CNBD1: variants seen among roughly 807,000 people sequenced by gnomAD.
CNBD1 encodes the protein cyclic nucleotide binding domain containing 1.
In CNBD1, 71 loss-of-function variants were observed where a neutral mutation model predicts 54.4. That is an observed-to-expected ratio of 1.30 (90% CI 1.08 to 1.59). The LOEUF (loss-of-function observed/expected upper bound fraction) is 1.59, where lower values mean the gene tolerates loss of function less well. CNBD1 is among the 40% of genes most tolerant of loss of function. The pLI is 0.00. For missense variants in CNBD1, 659 were observed against 518.0 expected, an observed-to-expected ratio of 1.27 and a Z score of -2.64; for synonymous variants, 182 against 170.7, an observed-to-expected ratio of 1.07 and a Z score of -0.51.
intron 6 of CNBD1, among the ~76,000 whole-genome samples, chr8:87,266,999 A>T (rs1808271591): frequency 6.6e-6 from 1 of 151,878 alleles, no homozygotes; most frequent in Non-Finnish European, 1.5e-5. Context: ...TTACAGAAGG[A>T]AACTATATTG....
intron 10 of CNBD1, among the ~76,000 whole-genome samples, chr8:87,365,507 A>C (rs550900263): frequency 6.6e-6 from 1 of 151,972 alleles, no homozygotes; most frequent in Admixed American, 6.6e-5. Context: ...TCATTTTCAG[A>C]TTTGCTATAC....
At chr8:87,389,804 G>A (rs112949576) in intron 2 of CNBD1, among the ~76,000 whole-genome samples, 2,901 of 152,148 alleles carry the variant, frequency 0.019, 93 homozygotes, top group African/African-American at 0.063. Context: ...ATCCTAAGCC[G>A]AAAGAACAAA....
intron 6 of CNBD1, among the ~76,000 whole-genome samples, chr8:87,276,032 AT>A (rs1181631374): frequency 1.3e-5 from 2 of 151,942 alleles, no homozygotes. Context: ...GGACAAATAA[AT>A]TTTAAAAATG....
intron 5 of CNBD1, among the ~76,000 whole-genome samples, chr8:87,232,042 G>C (rs984775903): frequency 6.6e-6 from 1 of 152,062 alleles, no homozygotes; most frequent in Non-Finnish European, 1.5e-5. Flanking sequence ...GTACCCTTTT[G>C]TGAAAACTTT....
rs1811104425 is a variant in CNBD1 at position 87,382,664 on chromosome 8, G to A, written c.*37G>A. On this transcript the variant is annotated 3_prime_UTR_variant, in exon 11 of 11. Transcript: ENST00000518476. ...ACCTCAGTGAACATTAATTAAGAAA[G>A]TATTGACTAAATAATGGAATAATTG... 1 of 1,455,818 alleles carries A rather than the reference G, an allele frequency of 6.9e-7. No homozygotes were observed. Among genetic ancestry groups the A allele is most frequent in the South Asian group, 1.2e-5 (1 of 80,036 alleles). The allele number at this position is 1,455,818 out of a possible 1,614,324, so 90.2% of individuals were successfully genotyped here. A position where few individuals can be genotyped will look rare whatever the true frequency, so the allele number is the denominator to read the frequency against.
chr8:87,387,447 G>A (rs528003674), downstream of CNBD1, among the ~76,000 whole-genome samples: 15 of 152,190 alleles, frequency 9.9e-5, no homozygotes, highest in African/African-American at 3.4e-4. Flanking sequence ...AAAGGCAGGG[G>A]TTGCAACTCT....
intron 4 of CNBD1, among the ~76,000 whole-genome samples, chr8:87,149,048 C>G (rs777053352): frequency 1.3e-5 from 2 of 152,160 alleles, no homozygotes; most frequent in African/African-American, 2.4e-5. Context: ...TCTACAGATT[C>G]TCTTACATGC....
rs367675187 is a variant in CNBD1 at position 87,137,385 on chromosome 8, A to G, written c.432-68608A>G. On this transcript the variant is annotated intron_variant, in intron 4 of 10. Transcript: ENST00000518476. The stretch of plus-strand genomic sequence containing the variant: ...CTAATATTTTTGAATTTTTTTTTTT[A>G]GTAGAGATGGGTTTCACTGTGTTAG... Among the ~76,000 whole-genome samples the G allele has an allele frequency of 3.8e-3, 566 of 150,350 alleles. 7 individuals carry two copies. The highest frequency in any genetic ancestry group is 0.027 in the Middle Eastern group (8 of 292).
chr8:87,305,298 G>A (rs1412726445), intron 8 of CNBD1, among the ~76,000 whole-genome samples: 1 of 152,100 alleles, frequency 6.6e-6, no homozygotes, highest in East Asian at 1.9e-4. Context: ...CTCATGGATG[G>A]GTAGAACTGA....
intron 4 of CNBD1, among the ~76,000 whole-genome samples, chr8:86,977,931 A>G (rs1230503371): frequency 6.6e-6 from 1 of 152,166 alleles, no homozygotes; most frequent in Non-Finnish European, 1.5e-5. Context: ...ACACAACAAT[A>G]AAAGGAAGCT....
intron 4 of CNBD1, among the ~76,000 whole-genome samples, chr8:87,116,353 C>G (rs979180067): frequency 1.3e-5 from 2 of 151,684 alleles, no homozygotes; most frequent in African/African-American, 4.8e-5. Context: ...AGGCATGCAC[C>G]ACCACACCTG....
intron 2 of CNBD1, among the ~76,000 whole-genome samples, chr8:87,415,169 G>T (rs768791630): frequency 3.3e-5 from 5 of 152,064 alleles, no homozygotes; most frequent in Non-Finnish European, 7.4e-5. Flanking sequence ...CTGCTTTAGT[G>T]TATGTGGCAT....
chr8:87,126,873 GA>G (rs1812000273), intron 4 of CNBD1, among the ~76,000 whole-genome samples: 1 of 151,860 alleles, frequency 6.6e-6, no homozygotes, highest in Non-Finnish European at 1.5e-5. Context: ...AGTGGTTCCA[GA>G]ACTATTTATT....
chr8:87,249,930 T>C (rs1297419236), intron 6 of CNBD1, among the ~76,000 whole-genome samples: 1 of 152,048 alleles, frequency 6.6e-6, no homozygotes, highest in Non-Finnish European at 1.5e-5. Flanking sequence ...ATTTCTTGAG[T>C]AATACCCCAA....
chr8:87,345,100 C>G (rs1046306497), intron 8 of CNBD1, among the ~76,000 whole-genome samples: 2 of 152,128 alleles, frequency 1.3e-5, no homozygotes, highest in Non-Finnish European at 2.9e-5. Context: ...CTCTGTGACA[C>G]AAAGTCATTT....
intron 4 of CNBD1, among the ~76,000 whole-genome samples, chr8:87,018,170 G>A (rs1809407505): frequency 1.3e-5 from 2 of 152,324 alleles, no homozygotes; most frequent in East Asian, 3.9e-4. Context: ...TTGAACCTGG[G>A]AAGCAGAGGT....
chr8:87,349,321 C>G (rs144459607), intron 8 of CNBD1, among the ~76,000 whole-genome samples: 62 of 152,254 alleles, frequency 4.1e-4, no homozygotes, highest in African/African-American at 1.4e-3. Context: ...TTGCATGATT[C>G]TGTTTCTAGT....
chr8:87,325,316 G>C (rs1485507602), intron 8 of CNBD1, among the ~76,000 whole-genome samples: 2 of 93,834 alleles, frequency 2.1e-5, no homozygotes, highest in East Asian at 4.3e-4. Context: ...ATGTCTATTA[G>C]GTCCGCTTGG....
At chr8:87,268,641 T>C (rs1207410041) in intron 6 of CNBD1, among the ~76,000 whole-genome samples, 2 of 152,142 alleles carry the variant, frequency 1.3e-5, no homozygotes, top group African/African-American at 4.8e-5. Flanking sequence ...TGGTGTGAGA[T>C]GGTATTTCAT....
Sources: allele counts gnomAD v4.1 joint callset (sites outside exome capture counted in the v4.1 genomes callset), GRCh38; gene constraint gnomAD v4.1.1; transcripts MANE v1.5; gene names NCBI Gene and HGNC (gene_info 2026-07-23, HGNC 2026-07-21).